ACE: variants seen among roughly 807,000 people sequenced by gnomAD.
ACE encodes angiotensin I converting enzyme.
ACE carries 122 observed loss-of-function variants against 162.3 expected under a neutral mutation model. That is an observed-to-expected ratio of 0.75 (90% confidence interval 0.65 to 0.87). ACE has a LOEUF of 0.87. Among genes scored for constraint, ACE ranks in the 40% least tolerant of loss-of-function variants. The pLI, the probability that ACE is intolerant of heterozygous loss-of-function variation, is 0.00. For missense variants in ACE, 1,799 were observed against 1,735.1 expected (o/e 1.04, Z -0.65); for synonymous variants, 796 against 720.6 (o/e 1.10, Z -1.68).
chr17:63,481,421 G>T, intron 6 of ACE, 145 bp from the exon 7 acceptor site: 1 of 959,542 alleles, frequency 1.0e-6, no homozygotes, highest in Non-Finnish European at 1.6e-6. Context: ...TGCTGTGGGA[G>T]TGAGGGCCCT....
In ACE at chr17:63,477,318, T is replaced by G; in HGVS notation, c.224T>G (p.Ile75Ser). Residue 75 changes from isoleucine (I) to serine (S), a missense_variant, in exon 1 of 25, where the codon ATC (isoleucine) becomes AGC (serine). Coordinates refer to ENST00000290866, the MANE Select transcript of ACE (RefSeq NM_000789.4). Reference protein sequence around the residue: ...VAASWAHDTNITAENARRQEE... With the variant: ...VAASWAHDTNSTAENARRQEE... ...GCCAGCTGGGCGCACGACACCAACATCACCGCGGAGAATGCAAGGCGCCAG... is the reference window on the plus strand; with the variant it reads ...GCCAGCTGGGCGCACGACACCAACAGCACCGCGGAGAATGCAAGGCGCCAG... 1 of 1,330,858 alleles carries G rather than the reference T, an allele frequency of 7.5e-7. No individual in the cohort carries two copies. Among genetic ancestry groups the G allele is most frequent in the Non-Finnish European group, 9.7e-7 (1 of 1,026,280 alleles). 82.4% of individuals were successfully genotyped at this position (1,330,858 alleles called of 1,614,324 possible).
At position 63,497,338 on chromosome 17, in the gene ACE, G is replaced by T; in HGVS notation, c.3893G>T (p.Gly1298Val). ...CGGCACTCCCACGGGCCCCAGTTCGGCTCCGAGGTGGAGCTGAGACACTCC... is the reference window on the plus strand; with the variant it reads ...CGGCACTCCCACGGGCCCCAGTTCGTCTCCGAGGTGGAGCTGAGACACTCC... ...LHRHSHGPQF[G>V]SEVELRHS is the part of the protein sequence containing the mutation. The change falls in exon 25 of 25, where the codon GGC (glycine) becomes GTC (valine). Residue 1298 changes from glycine (G) to valine (V), a missense_variant. By Grantham distance (109) the Gly-to-Val change is moderately radical (BLOSUM62 -3). Transcript: ENST00000290866. 6.5e-7 allele frequency: 1 copy of T among 1,548,598 alleles called. No homozygotes were observed.
Position 63,491,226 on chromosome 17 carries a change from G to A in ACE, c.2757G>A (p.Arg919=). ...AMLKQGWTPR[R]MFKEADDFFT... is the part of the protein sequence containing the mutation. ...GCTTGCAGGGCTGGACGCCCAGGAG[G>A]ATGTTTAAGGAGGCTGATGATTTCT... Residue 919 remains arginine, a synonymous_variant, in exon 19 of 25, where the codon AGG becomes AGA. Transcript: ENST00000290866. This position sits in a 1 kb window ranked among gnomAD's most constrained non-coding sequence, Gnocchi z 4.4. 1 of 1,614,124 alleles carries A rather than the reference G, an allele frequency of 6.2e-7. No homozygotes were observed. The highest frequency in any genetic ancestry group is 1.3e-5 in the African/African-American group (1 of 75,060).
In ACE at chr17:63,480,443, C is replaced by T. The variant is rs765396050; in HGVS notation, c.762C>T (p.Leu254=). ...YQQLEPLYLN[L]HAFVRRALHR... ...AGCTAGAGCCCCTCTACCTGAACCT[C>T]CATGCCTTCGTCCGCCGCGCACTGC... Residue 254 remains leucine, a synonymous_variant, in exon 5 of 25, where the codon CTC becomes CTT. Transcript: ENST00000290866. The T allele has an allele frequency of 6.2e-7, 1 of 1,614,150 alleles. No homozygotes were observed. Among genetic ancestry groups the T allele is most frequent in the Non-Finnish European group, 8.5e-7 (1 of 1,180,036 alleles).
Position 63,483,569 on chromosome 17 carries a change from CCCCA to C in ACE, c.1586+15_1586+18del. 1.2e-6 allele frequency: 1 copy of C among 805,830 alleles called. No individual in the cohort carries two copies. The highest frequency in any genetic ancestry group is 2.0e-5 in the Admixed American group (1 of 50,826). The allele number at this position is 805,830 out of a possible 1,614,324, so 49.9% of individuals were successfully genotyped here. A position where few individuals can be genotyped will look rare whatever the true frequency, so the allele number is the denominator to read the frequency against. On this transcript the variant is annotated intron_variant, in intron 10 of 24. Coordinates refer to ENST00000290866, the MANE Select transcript of ACE (RefSeq NM_000789.4). The stretch of plus-strand genomic sequence containing the variant: ...GACACCATACATCAGGTATTAGCGC[CCCCA>C]CCCCACCCACCCCCAGTACTGTCAC...
chr17:63,478,868 T>G, intron 2 of ACE, 139 bp from the exon 3 acceptor site: 1 of 723,480 alleles, frequency 1.4e-6, no homozygotes. Flanking sequence ...TGACACTTAG[T>G]GATCAGAAGT....
At chr17:63,479,137 A>G (rs1429251835) in intron 3 of ACE, 37 bp downstream of exon 3, 6 of 1,529,024 alleles carry the variant, frequency 3.9e-6, no homozygotes, top group African/African-American at 1.4e-5. Flanking sequence ...GCGGTGCCCT[A>G]GTGTTCCCAC....
At chr17:63,495,628 G>A (rs1364070934) in intron 22 of ACE, among the ~76,000 whole-genome samples, 1 of 152,234 alleles carries the variant, frequency 6.6e-6, no homozygotes, top group Non-Finnish European at 1.5e-5. Context: ...CCTGCCTGCT[G>A]GAGTGGTCCC....
rs781388092 is a variant in ACE at position 63,494,366 on chromosome 17, C to T, written c.3282-6C>T. On this transcript the variant is annotated splice_region_variant and splice_polypyrimidine_tract_variant and intron_variant, in intron 21 of 24. Coordinates refer to ENST00000290866, the MANE Select transcript of ACE (RefSeq NM_000789.4). ...TCATCTTCCAACATATATTCCCACTCGACAGGCTGAAGTACCAGGGCCTCT... is the reference window on the plus strand; with the variant it reads ...TCATCTTCCAACATATATTCCCACTTGACAGGCTGAAGTACCAGGGCCTCT... 2.2e-5 allele frequency: 35 copies of T among 1,613,236 alleles called. No individual in the cohort carries two copies. Among genetic ancestry groups the T allele is most frequent in the Non-Finnish European group, 5.9e-6 (7 of 1,179,428 alleles).
Position 63,497,814 on chromosome 17 carries a change from A to T in ACE, c.*448A>T. ...TTCCCTCCAGCCCAGGCAGCCCGCCACTGTCCTGCCACCGCAGGCAGCCCC... is the reference window on the plus strand; with the variant it reads ...TTCCCTCCAGCCCAGGCAGCCCGCCTCTGTCCTGCCACCGCAGGCAGCCCC... On this transcript the variant is annotated 3_prime_UTR_variant, in exon 25 of 25. Transcript: ENST00000290866. 2.9e-6 allele frequency: 1 copy of T among 345,694 alleles called. No homozygotes were observed. The highest frequency in any genetic ancestry group is 4.3e-5 in the Admixed American group (1 of 23,210). 21.4% of individuals were successfully genotyped at this position (345,694 alleles called of 1,614,324 possible). A position where few individuals can be genotyped will look rare whatever the true frequency, so the allele number is the denominator to read the frequency against.
At position 63,483,567 on chromosome 17, in the gene ACE, G is replaced by GCGGGGGGGGGCCCCCCCCCCCCCCCCC; in HGVS notation, c.1586+10_1586+11insGGGGGGGGGCCCCCCCCCCCCCCCCCC. ...GTGACACCATACATCAGGTATTAGC[G>GCGGGGGGGGGCCCCCCCCCCCCCCCCC]CCCCCACCCCACCCACCCCCAGTAC... is the stretch of plus-strand genomic sequence containing the variant. On this transcript the variant is annotated intron_variant, in intron 10 of 24. Transcript: ENST00000290866. The GCGGGGGGGGGCCCCCCCCCCCCCCCCC allele has an allele frequency of 1.3e-6, 2 of 1,589,346 alleles. No homozygotes were observed. The highest frequency in any genetic ancestry group is 1.7e-6 in the Non-Finnish European group (2 of 1,165,532).
rs932882408 is a variant in ACE, at chr17:63,477,486, G to C, written c.249+143G>C. ...GACCCTCGCCCCGACAGTCAGCCGC[G>C]GGGCCCGAGCGCCGGGCTGCGCGCA... On this transcript the variant is annotated intron_variant, in intron 1 of 24. Transcript: ENST00000290866. 1.3e-5 allele frequency: 8 copies of C among 601,140 alleles called. No individual in the cohort carries two copies. In the African/African-American group the frequency reaches 1.4e-4, roughly 10 times the overall value. The allele number at this position is 601,140 out of a possible 1,614,324, so 37.2% of individuals were successfully genotyped here. A position where few individuals can be genotyped will look rare whatever the true frequency, so the allele number is the denominator to read the frequency against.
intron 15 of ACE, among the ~76,000 whole-genome samples, chr17:63,488,149 C>T (rs931479187): frequency 5.3e-5 from 8 of 151,988 alleles, no homozygotes; most frequent in East Asian, 1.9e-4. Flanking sequence ...GCATGAGAAT[C>T]GCTTGAGCCC....
chr17:63,477,650 T>C, intron 1 of ACE: 1 of 476,818 alleles, frequency 2.1e-6, no homozygotes, highest in South Asian at 2.5e-5. Flanking sequence ...CTCCGGACGC[T>C]GTCGCTGTCA....
intron 10 of ACE, 72 bp downstream of exon 10, chr17:63,483,630 A>G: frequency 1.5e-6 from 2 of 1,374,750 alleles, no homozygotes; most frequent in Non-Finnish European, 2.0e-6. Flanking sequence ...CTGTGATCCT[A>G]GCTGCCTCAT....
chr17:63,480,243 C>A, intron 4 of ACE, 94 bp from the exon 5 acceptor site: 1 of 1,371,118 alleles, frequency 7.3e-7, no homozygotes, highest in Non-Finnish European at 1.0e-6. Context: ...TGCAGATCCA[C>A]GGGCCTCGAG....
chr17:63,478,532 G>A (rs995394092), intron 2 of ACE: 12 of 314,632 alleles, frequency 3.8e-5, no homozygotes, highest in Non-Finnish European at 6.2e-5. Flanking sequence ...TTGGTGGTGC[G>A]TGCACCTACA....
intron 6 of ACE, 112 bp downstream of exon 6, chr17:63,481,300 G>A (rs980383018): frequency 2.1e-5 from 22 of 1,060,222 alleles, no homozygotes; most frequent in Non-Finnish European, 3.0e-5. Flanking sequence ...GCAGCAGCCT[G>A]GTGTGTCTGT....
chr17:63,486,982 G>A lies in ACE; in HGVS notation c.2218-4G>A. ...CAGCTCATTGCCTCTCCTTCCTCCTGCAGTACAACAAGATCCTGTTGGATA... is the reference window on the plus strand; with the variant it reads ...CAGCTCATTGCCTCTCCTTCCTCCTACAGTACAACAAGATCCTGTTGGATA... On this transcript the variant is annotated splice_polypyrimidine_tract_variant and splice_region_variant and intron_variant, in intron 14 of 24. Coordinates refer to ENST00000290866, the MANE Select transcript of ACE (RefSeq NM_000789.4). The A allele has an allele frequency of 6.2e-7, 1 of 1,612,926 alleles. No individual in the cohort carries two copies. The highest frequency in any genetic ancestry group is 1.1e-5 in the South Asian group (1 of 91,074).
Sources: gnomAD v4.1 joint callset for allele counts (sites outside exome capture counted in the v4.1 genomes callset) on GRCh38, gnomAD v4.1.1 for gene constraint, Gnocchi (gnomAD v3.1) non-coding constraint, MANE v1.5 for transcripts, NCBI Gene and HGNC (gene_info 2026-07-23, HGNC 2026-07-21) for gene names.